Variants in PTPN21 observed in about 807,000 individuals in gnomAD.
The protein encoded by PTPN21 is protein tyrosine phosphatase non-receptor type 21, also known as tyrosine-protein phosphatase non-receptor type 21.
PTPN21 carries 77 observed loss-of-function variants against 131.8 expected under a neutral mutation model. The ratio of observed to expected loss-of-function variants is 0.58; its 90% confidence interval spans 0.49 to 0.71. The LOEUF is 0.71. Among genes scored for constraint, PTPN21 ranks in the 30% least tolerant of loss-of-function variants. The probability of loss-of-function intolerance (pLI) is 0.00; values close to 1 mark genes in which losing one functional copy is unlikely to be tolerated. For synonymous variants in PTPN21, 715 were observed against 621.3 expected (o/e 1.15, Z -2.24); for missense variants, 1,552 against 1,527.1 (o/e 1.02, Z -0.27).
At chr14:88,544,659 G>A (rs541265720) in intron 2 of PTPN21, among the ~76,000 whole-genome samples, 1 of 152,218 alleles carries the variant, frequency 6.6e-6, no homozygotes, top group African/African-American at 2.4e-5. Context: ...AGGTGTTTCT[G>A]AATACTGCAG....
chr14:88,473,548 AC>A (rs1337434068), intron 14 of PTPN21, 116 bp downstream of exon 14: 1 of 1,271,812 alleles, frequency 7.9e-7, no homozygotes, highest in Non-Finnish European at 1.1e-6. Context: ...AAATTCCTTA[AC>A]ACTCATTTAT....
In PTPN21 at chr14:88,479,934, G is replaced by A. The variant is rs1595352439; in HGVS notation, c.1497C>T (p.His499=). The A allele has an allele frequency of 1.9e-6, 3 of 1,605,688 alleles. No homozygotes were observed. The highest frequency in any genetic ancestry group is 2.5e-6 in the Non-Finnish European group (3 of 1,179,688). Residue 499 remains histidine (H), a synonymous_variant, in exon 13 of 19, where the codon CAC becomes CAT. Transcript: ENST00000556564. The part of the protein sequence containing the change: ...LVYSQPEIRE[H]AQLPSPAAAH... ...CGGCCGCTGGCGAGGGGAGCTGTGC[G>A]TGCTCGCGGATCTCGGGCTGGCTGT...
chr14:88,542,065 A>G (rs1304604892), intron 2 of PTPN21, among the ~76,000 whole-genome samples: 1 of 152,228 alleles, frequency 6.6e-6, no homozygotes, highest in Non-Finnish European at 1.5e-5. Flanking sequence ...TTTAAAGGTC[A>G]AAGTTCGAGC....
rs189081965 is a variant in PTPN21, at chr14:88,538,540, G to A, written c.180+11698C>T. On this transcript the variant is annotated intron_variant, in intron 2 of 18. Transcript: ENST00000556564. ...TCATGCTTACCTTTCTTTGCCTGAC[G>A]TGAGTGCAAAAACCTATCTTAAGCA... Among the ~76,000 whole-genome samples the A allele has an allele frequency of 3.0e-3, 461 of 152,220 alleles. 4 individuals are homozygous for A. Among genetic ancestry groups the A allele is most frequent in the Non-Finnish European group, 3.3e-3 (223 of 68,028 alleles).
chr14:88,555,006 G>C lies in PTPN21; in HGVS notation c.-558C>G, dbSNP rs909576100. On this transcript the variant is annotated 5_prime_UTR_variant, in exon 1 of 19. Transcript: ENST00000556564. The stretch of plus-strand genomic sequence containing the variant: ...AGCAGCGGGGCGGCCGGGCCCAGGC[G>C]TCCCTCCCCCTGAGCCGGGCGGGCG... 6.6e-6 allele frequency among the ~76,000 whole-genome samples: 1 copy of C among 151,618 alleles called. No individual in the cohort carries two copies. Among genetic ancestry groups the C allele is most frequent in the African/African-American group, 2.4e-5 (1 of 41,370 alleles).
chr14:88,474,894 C>A (rs1336184318), intron 13 of PTPN21, among the ~76,000 whole-genome samples: 1 of 152,104 alleles, frequency 6.6e-6, no homozygotes, highest in Non-Finnish European at 1.5e-5. Context: ...GAGATTGAGA[C>A]CATCCTGGCC....
At chr14:88,471,329 CA>C (rs1218686133) in intron 15 of PTPN21, among the ~76,000 whole-genome samples, 1 of 152,190 alleles carries the variant, frequency 6.6e-6, no homozygotes. Flanking sequence ...CCAGCATGAA[CA>C]AAGGGTACAA....
rs552325334 is a variant in PTPN21, at chr14:88,545,955, G to GCA, written c.180+4281_180+4282dup. On this transcript the variant is annotated intron_variant, in intron 2 of 18. Coordinates refer to ENST00000556564, the MANE Select transcript of PTPN21 (RefSeq NM_007039.4). ...TGCAGTGAGCCGAGATCGCGCCACTGCACTCCAGCCTGGGCGATAGAGCGA... is the reference window on the plus strand; with the variant it reads ...TGCAGTGAGCCGAGATCGCGCCACTGCACACTCCAGCCTGGGCGATAGAGCGA... Among the ~76,000 whole-genome samples, 1,225 of 144,876 alleles carry GCA rather than the reference G, an allele frequency of 8.5e-3. 17 individuals are homozygous for GCA. The highest frequency in any genetic ancestry group is 0.031 in the African/African-American group (1,161 of 37,812).
At position 88,469,545 on chromosome 14, in the gene PTPN21, T is replaced by G. The variant is rs191058952; in HGVS notation, c.3189A>C (p.Thr1063=). 792 of 1,614,170 alleles carry G rather than the reference T, an allele frequency of 4.9e-4. 11 individuals are homozygous for G. The East Asian group carries it at 0.016, about 33-fold the overall frequency. ...CTGGACAGCCATGTTCAGGCCAGTC[T>G]GTGTATTGGAGGTGCCAGACGGTCC... The part of the protein sequence containing the change: ...QERTVWHLQY[T]DWPEHGCPED... The change falls in exon 17 of 19, where the codon ACA becomes ACC. Residue 1063 remains threonine (T), a synonymous_variant. Coordinates refer to ENST00000556564, the MANE Select transcript of PTPN21 (RefSeq NM_007039.4). This position sits in a 1 kb window ranked among gnomAD's most constrained non-coding sequence, Gnocchi z 4.3.
At chr14:88,520,268 T>C (rs1385123747) in intron 2 of PTPN21, among the ~76,000 whole-genome samples, 1 of 152,046 alleles carries the variant, frequency 6.6e-6, no homozygotes, top group African/African-American at 2.4e-5. Context: ...ATACAAAAAA[T>C]TAGCCAGATG....
intron 2 of PTPN21, among the ~76,000 whole-genome samples, chr14:88,517,725 T>C (rs2078299487): frequency 3.3e-5 from 4 of 120,580 alleles, no homozygotes; most frequent in African/African-American, 1.5e-4. Flanking sequence ...TGTATGTGTA[T>C]ATATACTATA....
intron 12 of PTPN21, among the ~76,000 whole-genome samples, chr14:88,481,253 G>A (rs577680029): frequency 6.6e-6 from 1 of 152,330 alleles, no homozygotes; most frequent in African/African-American, 2.4e-5. Context: ...CCACAATCCA[G>A]TGGGTACACT....
At chr14:88,530,484 ACAGAATGG>A (rs1008365428) in intron 2 of PTPN21, among the ~76,000 whole-genome samples, 3 of 150,938 alleles carry the variant, frequency 2.0e-5, no homozygotes, top group African/African-American at 7.3e-5. Context: ...CTTAAAAGAT[ACAGAATGG>A]CAGAATGGAT....
chr14:88,479,014 C>A lies in PTPN21; in HGVS notation c.2417G>T (p.Arg806Leu). The A allele has an allele frequency of 6.2e-7, 1 of 1,603,660 alleles. No homozygotes were observed. Among genetic ancestry groups the A allele is most frequent in the Non-Finnish European group, 8.5e-7 (1 of 1,175,724 alleles). ...CAGAGAGTCCCTCCGGGCTCGGTAG[C>A]GGCCTGACGTGGTGAGGTCGGACTC... Reference protein sequence around the residue: ...MSESDLTTSGRYRARRDSLKK... With the variant: ...MSESDLTTSGLYRARRDSLKK... Residue 806 changes from arginine (R) to leucine (L), a missense_variant, in exon 13 of 19, where the codon CGC (arginine) becomes CTC (leucine). Physicochemically the swap from Arg to Leu is moderately radical, Grantham distance 102. This residue lies in a region of PTPN21 where 1,016 missense variants were observed against 883.5 expected (regional missense o/e 1.15). Coordinates refer to ENST00000556564, the MANE Select transcript of PTPN21 (RefSeq NM_007039.4).
intron 5 of PTPN21, among the ~76,000 whole-genome samples, chr14:88,505,090 T>G (rs73317707): frequency 0.025 from 3,852 of 152,272 alleles, 135 homozygotes; most frequent in African/African-American, 0.087. Flanking sequence ...CACAGTGCAG[T>G]GACTACAGAC....
Position 88,480,231 on chromosome 14 carries a change from G to T in PTPN21, c.1200C>A (p.Thr400=). Residue 400 remains threonine (T), a synonymous_variant, in exon 13 of 19, where the codon ACC becomes ACA. Coordinates refer to ENST00000556564, the MANE Select transcript of PTPN21 (RefSeq NM_007039.4). ...AGGGCTGAGGATTATTTAAGGAGTT[G>T]GTGCTGTGTGCACTGTAGACACTGC... The part of the protein sequence containing the change: ...RNGSVYSAHS[T]NSLNNPQPYL... 1 of 1,614,100 alleles carries T rather than the reference G, an allele frequency of 6.2e-7. No homozygotes were observed. Among genetic ancestry groups the T allele is most frequent in the Non-Finnish European group, 8.5e-7 (1 of 1,179,956 alleles).
In PTPN21 at chr14:88,517,074, C is replaced by T. The variant is rs368983645; in HGVS notation, c.350+18G>A. ...CACTAGACTATTTCCTAAAAACAAACGGCATGTAATTTCTCACCTGGTAAT... is the reference window on the plus strand; with the variant it reads ...CACTAGACTATTTCCTAAAAACAAATGGCATGTAATTTCTCACCTGGTAAT... On this transcript the variant is annotated intron_variant, in intron 3 of 18. Coordinates refer to ENST00000556564, the MANE Select transcript of PTPN21 (RefSeq NM_007039.4). 17 of 1,610,704 alleles carry T rather than the reference C, an allele frequency of 1.1e-5. No homozygotes were observed. The highest frequency in any genetic ancestry group is 8.0e-5 in the African/African-American group (6 of 74,936).
In PTPN21 at chr14:88,511,529, G is replaced by A. The variant is rs1030651632; in HGVS notation, c.351-3509C>T. On this transcript the variant is annotated intron_variant, in intron 3 of 18. Coordinates refer to ENST00000556564, the MANE Select transcript of PTPN21 (RefSeq NM_007039.4). ...CCACTAAAAAATACAAAAATTAGCC[G>A]GGCATGGTCGTGGGCACCTGTAATC... 2.6e-5 allele frequency among the ~76,000 whole-genome samples: 4 copies of A among 151,988 alleles called. No homozygotes were observed. The East Asian group carries it at 5.8e-4, about 22-fold the overall frequency.
In PTPN21 at chr14:88,521,091, G is replaced by A. The variant is rs545286558; in HGVS notation, c.181-3830C>T. On this transcript the variant is annotated intron_variant, in intron 2 of 18. Transcript: ENST00000556564. ...TAAACTGGCTTCAAGTGATCTTCCC[G>A]TCTCAGCTTCCCAAAGTGCTGGGAT... Among the ~76,000 whole-genome samples, 106 of 151,770 alleles carry A rather than the reference G, an allele frequency of 7.0e-4. 1 individual carries two copies. Among genetic ancestry groups the A allele is most frequent in the Middle Eastern group, 3.2e-3 (1 of 314 alleles).
Sources: gnomAD v4.1 joint callset for allele counts (sites outside exome capture counted in the v4.1 genomes callset) on GRCh38, gnomAD v4.1.1 for gene constraint, gnomAD v4.1.1 regional missense constraint, Gnocchi (gnomAD v3.1) non-coding constraint, MANE v1.5 for transcripts, NCBI Gene and HGNC (gene_info 2026-07-23, HGNC 2026-07-21) for gene names.